The following MYH7B variants were observed in gnomAD, a reference collection of about 807,000 sequenced individuals.
MYH7B encodes the protein myosin heavy chain 7B.
Under a neutral mutation model 234.5 loss-of-function variants are expected in MYH7B, and 205 were observed. That is an observed-to-expected ratio of 0.87 (90% CI 0.78 to 0.98). MYH7B has a LOEUF of 0.98. Among genes scored for constraint, MYH7B ranks in the 50% least tolerant of loss-of-function variants. The pLI, the probability that MYH7B is intolerant of heterozygous loss-of-function variation, is 0.00. For missense variants in MYH7B, 2,652 were observed against 2,633.4 expected, an observed-to-expected ratio of 1.01 and a Z score of -0.15; for synonymous variants, 1,193 against 1,105.0, an observed-to-expected ratio of 1.08 and a Z score of -1.58.
intron 2 of MYH7B, among the ~76,000 whole-genome samples, chr20:34,962,514 G>C (rs2081707161): frequency 6.6e-6 from 1 of 152,130 alleles, no homozygotes; most frequent in Admixed American, 6.5e-5. Flanking sequence ...TATATAAAAT[G>C]ATGCAGTGTT....
At chr20:34,997,549 G>T in exon 32 of MYH7B, 1 of 1,611,984 alleles carries the variant, frequency 6.2e-7, no homozygotes, top group Middle Eastern at 1.7e-4. Flanking sequence ...AGCCTGCAGC[G>T]GGTGCGGCAG....
chr20:35,001,487 G>C, exon 43 of MYH7B: 2 of 1,610,558 alleles, frequency 1.2e-6, no homozygotes, highest in Non-Finnish European at 1.7e-6. Flanking sequence ...ACAAGCTGCA[G>C]AGCAAGGTCA....
In MYH7B at chr20:34,988,277, AAG is replaced by A; in HGVS notation, c.1587+16_1587+17del. The A allele has an allele frequency of 6.2e-7, 1 of 1,606,172 alleles. No individual in the cohort carries two copies. Among genetic ancestry groups the A allele is most frequent in the South Asian group, 1.1e-5 (1 of 90,432 alleles). ...TCATCGAGAAGGTGGGTGCCGCGGC[AAG>A]GTCACTTTGAGGAAGGGAGGGTGTG... On this transcript the variant is annotated intron_variant, in intron 19 of 44. Coordinates refer to ENST00000262873, the Ensembl canonical transcript of MYH7B.
chr20:34,981,138 C>T, intron 9 of MYH7B, 78 bp downstream of exon 9: 1 of 1,573,624 alleles, frequency 6.4e-7, no homozygotes, highest in Non-Finnish European at 8.7e-7. Flanking sequence ...AGTCATTTCC[C>T]AGGATTGAAT....
intron 2 of MYH7B, among the ~76,000 whole-genome samples, chr20:34,975,099 C>T (rs888054473): frequency 1.3e-5 from 2 of 151,794 alleles, no homozygotes; most frequent in African/African-American, 2.4e-5. Flanking sequence ...AAGCAAGAGT[C>T]GGTATAAAAA....
In MYH7B at chr20:34,998,270, C is replaced by G. The variant is rs761133232; in HGVS notation, c.3748-25C>G. ...TTGTTCTGACATCTAACTCCTGACC[C>G]CTGACTCCCAACCTGGGATCCTAGG... On this transcript the variant is annotated intron_variant, in intron 32 of 44. Transcript: ENST00000262873. 89 of 1,612,580 alleles carry G rather than the reference C, an allele frequency of 5.5e-5. 1 individual carries two copies. In the South Asian group the frequency reaches 9.8e-4, roughly 18 times the overall value.
chr20:34,987,980 G>C, intron 18 of MYH7B, 66 bp downstream of exon 18: 1 of 1,557,288 alleles, frequency 6.4e-7, no homozygotes, highest in Non-Finnish European at 8.7e-7. Context: ...CTGTGGGGGG[G>C]CAGAAGCCCT....
At chr20:34,988,806 C>CCTTT (rs1569046104) in intron 19 of MYH7B, among the ~76,000 whole-genome samples, 1 of 113,234 alleles carries the variant, frequency 8.8e-6, no homozygotes, top group Non-Finnish European at 1.8e-5. Flanking sequence ...TCCTTTATCC[C>CCTTT]TTTTTTTTTT....
At chr20:34,984,628 G>C in intron 10 of MYH7B, 64 bp from the exon 11 acceptor site, 2 of 1,381,968 alleles carry the variant, frequency 1.4e-6, no homozygotes, top group Non-Finnish European at 2.0e-6. Flanking sequence ...CTGATACCCT[G>C]CCCCACCCCG....
In MYH7B at chr20:34,998,564, C is replaced by T. The variant is rs746610836; in HGVS notation, c.3928C>T (p.Arg1310Cys). The T allele has an allele frequency of 6.2e-5, 100 of 1,613,704 alleles. 1 individual carries two copies. The South Asian group carries it at 7.1e-4, about 12-fold the overall frequency. The change falls in exon 34 of 45, where the codon CGT (arginine) becomes TGT (cysteine). Residue 1310 changes from arginine (R) to cysteine (C), a missense_variant. Physicochemically the swap from Arg to Cys is radical, Grantham distance 180. This residue lies in a region of MYH7B where 2,279 missense variants were observed against 2,211.4 expected (regional missense o/e 1.03). Coordinates refer to ENST00000262873, the Ensembl canonical transcript of MYH7B. ...GGAGTGTCTGATCAGTCAGCTGAGC[C>T]GTGGAAAGGCCCTGGCCGCCCAAAG...
At chr20:34,980,521 G>A (rs1433780206) in intron 7 of MYH7B, 57 bp from the exon 8 acceptor site, 2 of 1,475,692 alleles carry the variant, frequency 1.4e-6, no homozygotes, top group Non-Finnish European at 1.9e-6. Context: ...CTGGGAGACA[G>A]AGCAAGACTC....
intron 8 of MYH7B, 129 bp from the exon 9 acceptor site, chr20:34,980,904 G>A (rs2081932717): frequency 1.3e-6 from 2 of 1,497,792 alleles, no homozygotes; most frequent in South Asian, 1.1e-5. Context: ...ACTAGGGACA[G>A]CCCCACCTGC....
At chr20:34,999,767 A>T (rs756311097) in intron 37 of MYH7B, 24 bp from the exon 38 acceptor site, 12 of 621,318 alleles carry the variant, frequency 1.9e-5, no homozygotes, top group Non-Finnish European at 2.9e-5. Context: ...CCCCCACCCT[A>T]CCCTGCCTGC....
chr20:34,998,441 G>A lies in MYH7B; in HGVS notation c.3874+20G>A. The A allele has an allele frequency of 6.2e-7, 1 of 1,612,728 alleles. No individual in the cohort carries two copies. Among genetic ancestry groups the A allele is most frequent in the Non-Finnish European group, 8.5e-7 (1 of 1,179,938 alleles). ...AAAGCGGTGAGGCTGGGGCTCAGCT[G>A]GCCACACCAGGCAGGGCTTTGGTGC... On this transcript the variant is annotated intron_variant, in intron 33 of 44. Transcript: ENST00000262873.
intron 13 of MYH7B, 70 bp from the exon 14 acceptor site, chr20:34,986,030 G>T (rs148638195): frequency 1.5e-6 from 2 of 1,337,576 alleles, no homozygotes; most frequent in East Asian, 5.0e-5. Flanking sequence ...CTCTCCCTCC[G>T]CATCGCCCCC....
chr20:35,000,534 C>T, exon 39 of MYH7B: 1 of 1,588,364 alleles, frequency 6.3e-7, no homozygotes, highest in Non-Finnish European at 8.5e-7. Flanking sequence ...AGCTGAGCTC[C>T]ACGAGCAGGC....
intron 24 of MYH7B, 83 bp downstream of exon 24, chr20:34,991,204 AC>A (rs1489291501): frequency 1.0e-5 from 10 of 964,428 alleles, no homozygotes; most frequent in African/African-American, 1.6e-5. Flanking sequence ...AGCCCAACAG[AC>A]GGTCCCCTGT....
At chr20:34,992,367 C>T (rs2082169648) in intron 24 of MYH7B, among the ~76,000 whole-genome samples, 1 of 124,492 alleles carries the variant, frequency 8.0e-6, no homozygotes, top group African/African-American at 3.1e-5. Flanking sequence ...GCCTGGGCGA[C>T]AGAGCGAGAC....
At chr20:34,971,950 G>T (rs573208867) in intron 2 of MYH7B, among the ~76,000 whole-genome samples, 1 of 152,250 alleles carries the variant, frequency 6.6e-6, no homozygotes, top group East Asian at 1.9e-4. Context: ...GCTGCAGCTG[G>T]TGGGGCTGCT....
Sources: allele counts gnomAD v4.1 joint callset (sites outside exome capture counted in the v4.1 genomes callset), GRCh38; gene constraint gnomAD v4.1.1; regional missense constraint gnomAD v4.1.1; transcripts MANE v1.5; gene names NCBI Gene and HGNC (gene_info 2026-07-23, HGNC 2026-07-21).